SEMA4B: variants seen among roughly 807,000 people sequenced by gnomAD.
SEMA4B encodes semaphorin 4B, also known as semaphorin-4B.
SEMA4B carries 55 observed loss-of-function variants against 88.1 expected under a neutral mutation model. The ratio of observed to expected loss-of-function variants is 0.62; its 90% CI spans 0.50 to 0.78. The LOEUF (loss-of-function observed/expected upper bound fraction) is 0.78. Ranked by LOEUF, SEMA4B falls within the 30% of genes least tolerant of loss-of-function variation. The pLI, the probability that SEMA4B is intolerant of heterozygous loss-of-function variation, is 0.00. For missense variants in SEMA4B, 1,062 were observed against 1,111.9 expected (o/e 0.96, Z 0.64); for synonymous variants, 525 against 473.6 (o/e 1.11, Z -1.41).
At chr15:90,227,176 C>T (rs964330132) in intron 12 of SEMA4B, 3 of 206,904 alleles carry the variant, frequency 1.4e-5, no homozygotes, top group Non-Finnish European at 3.0e-5. Flanking sequence ...GCCTCCTGAG[C>T]AGGTGGAACC....
chr15:90,220,972 C>A lies in SEMA4B; in HGVS notation c.484-10C>A, dbSNP rs373856851. ...AGTGCCCCTGAGCCCATGTGTCCAC[C>A]CTCCTGCAGAACATGGAGAACTTCA... On this transcript the variant is annotated splice_polypyrimidine_tract_variant and intron_variant, in intron 4 of 13. Coordinates refer to ENST00000411539, the MANE Select transcript of SEMA4B (RefSeq NM_198925.4). 6 of 1,579,114 alleles carry A rather than the reference C, an allele frequency of 3.8e-6. No homozygotes were observed. The highest frequency in any genetic ancestry group is 5.2e-6 in the Non-Finnish European group (6 of 1,155,608).
Position 90,225,030 on chromosome 15 carries a change from GCTGAACTTCCTCAAGGACCACTTC to G in SEMA4B, c.1262_1285del (p.Asn421_Leu428del). On this transcript the variant is annotated inframe_deletion, in exon 10 of 14. Coordinates refer to ENST00000411539, the MANE Select transcript of SEMA4B (RefSeq NM_198925.4). ...CATCCCTGCAGCTCCCAGACCGCGT[GCTGAACTTCCTCAAGGACCACTTC>G]CTGATGGACGGGCAGGTCCGAAGCC... 6.2e-7 allele frequency: 1 copy of G among 1,613,964 alleles called. No homozygotes were observed.
chr15:90,228,439 C>T lies in SEMA4B; in HGVS notation c.2310C>T (p.Arg770=). 1 of 1,610,552 alleles carries T rather than the reference C, an allele frequency of 6.2e-7. No homozygotes were observed. Among genetic ancestry groups the T allele is most frequent in the Non-Finnish European group, 8.5e-7 (1 of 1,178,478 alleles). The change falls in exon 14 of 14, where the codon CGC becomes CGT. Residue 770 remains arginine (R), a synonymous_variant. Coordinates refer to ENST00000411539, the MANE Select transcript of SEMA4B (RefSeq NM_198925.4). ...TCPVVLPPET[R]PLNGLGPPST... Reference sequence around the variant, plus strand: ...CTGTGGTGCTGCCCCCTGAGACCCGCCCACTCAACGGCCTAGGGCCCCCTA... The same window carrying T: ...CTGTGGTGCTGCCCCCTGAGACCCGTCCACTCAACGGCCTAGGGCCCCCTA...
rs1174450284 is a variant in SEMA4B, at chr15:90,227,516, G to T, written c.1689-41G>T. The T allele has an allele frequency of 4.4e-6, 7 of 1,595,800 alleles. No individual in the cohort carries two copies. In the South Asian group the frequency reaches 7.8e-5, roughly 18 times the overall value. ...GAGGGGTGAGGGAATGTGAGCTCAG[G>T]GGACTTCCTGGCCAATCCCAGAATT... On this transcript the variant is annotated intron_variant, in intron 12 of 13. Transcript: ENST00000411539.
rs746149936 is a variant in SEMA4B at position 90,221,639 on chromosome 15, C to T, written c.735C>T (p.Tyr245=). 3.7e-5 allele frequency: 59 copies of T among 1,613,948 alleles called. No individual in the cohort carries two copies. The highest frequency in any genetic ancestry group is 4.6e-5 in the Non-Finnish European group (54 of 1,179,914). Residue 245 remains tyrosine, a synonymous_variant, in exon 7 of 14, where the codon TAC becomes TAT. Coordinates refer to ENST00000411539, the MANE Select transcript of SEMA4B (RefSeq NM_198925.4). ...ACCCAGCTTTTGTGGCCTCAGCCTA[C>T]ATTCCTGAGAGCCTGGGCAGCTTGC... ...LQDPAFVASA[Y]IPESLGSLQG... is the part of the protein sequence containing the mutation.
In SEMA4B at chr15:90,208,240, G is replaced by A. The variant is rs367833174; in HGVS notation, c.157+6505G>A. On this transcript the variant is annotated intron_variant, in intron 1 of 13. Coordinates refer to ENST00000411539, the MANE Select transcript of SEMA4B (RefSeq NM_198925.4). ...TTGCACTCCAGCCTGGAAGACAAGA[G>A]CAAAACTCCATCTCAAAAAAAAAAA... 5.9e-3 allele frequency among the ~76,000 whole-genome samples: 885 copies of A among 149,496 alleles called. 12 individuals carry two copies. The highest frequency in any genetic ancestry group is 0.02 in the African/African-American group (821 of 40,590).
chr15:90,222,220 A>G (rs1375870342), intron 7 of SEMA4B, among the ~76,000 whole-genome samples: 5 of 146,426 alleles, frequency 3.4e-5, no homozygotes, highest in African/African-American at 5.0e-5. Flanking sequence ...GATTACAGGC[A>G]TGAGCCACTG....
chr15:90,192,314 T>A (rs1027435436), intron 1 of SEMA4B, among the ~76,000 whole-genome samples: 1 of 152,086 alleles, frequency 6.6e-6, no homozygotes, highest in African/African-American at 2.4e-5. Context: ...TTCCCCTGGG[T>A]GGGAATTAGA....
intron 1 of SEMA4B, among the ~76,000 whole-genome samples, chr15:90,195,045 CT>C (rs750709856): frequency 1.5e-3 from 213 of 142,874 alleles, no homozygotes; most frequent in African/African-American, 1.5e-3. Context: ...TGCTCCATGG[CT>C]TTTTTTTTTT....
chr15:90,213,968 C>T (rs1177998226), intron 1 of SEMA4B, among the ~76,000 whole-genome samples: 1 of 152,226 alleles, frequency 6.6e-6, no homozygotes, highest in Non-Finnish European at 1.5e-5. Context: ...CTCGGTGGCT[C>T]AGCCACCTGA....
chr15:90,188,888 TA>T lies in SEMA4B; in HGVS notation c.-122+3808del, dbSNP rs748776533. ...TTTCACCATGTTAGCCAGGATGGTC[TA>T]CGATCTCCTGACCTCGTGATCCGCC... is the stretch of plus-strand genomic sequence containing the variant. On this transcript the variant is annotated intron_variant, in intron 1 of 14. Coordinates refer to the SEMA4B transcript ENST00000332496. 1.1e-3 allele frequency among the ~76,000 whole-genome samples: 164 copies of T among 151,952 alleles called. 2 individuals are homozygous for T. Among genetic ancestry groups the T allele is most frequent in the East Asian group, 5.7e-3 (29 of 5,084 alleles).
intron 1 of SEMA4B, among the ~76,000 whole-genome samples, chr15:90,213,077 T>C (rs1207982522): frequency 2.0e-5 from 3 of 152,236 alleles, no homozygotes; most frequent in Non-Finnish European, 4.4e-5. Flanking sequence ...TGCAACGTTG[T>C]TTTAGCAAAG....
intron 1 of SEMA4B, among the ~76,000 whole-genome samples, chr15:90,211,444 T>G (rs1257724501): frequency 6.6e-6 from 1 of 152,130 alleles, no homozygotes; most frequent in African/African-American, 2.4e-5. Flanking sequence ...ACCCCCAACC[T>G]CTGCCCAGAG....
At chr15:90,185,576 C>A (rs1960140157) in intron 1 of SEMA4B, among the ~76,000 whole-genome samples, 1 of 152,198 alleles carries the variant, frequency 6.6e-6, no homozygotes, top group South Asian at 2.1e-4. Flanking sequence ...GGGAGTTATT[C>A]TGGTCTAGCA....
chr15:90,188,826 C>T (rs1007326492), intron 1 of SEMA4B, among the ~76,000 whole-genome samples: 1 of 151,810 alleles, frequency 6.6e-6, no homozygotes. Flanking sequence ...CACCACCACG[C>T]CCGGCTAATT....
rs1962277823 is a variant in SEMA4B at position 90,228,120 on chromosome 15, A to G, written c.1991A>G (p.Gln664Arg). 6.2e-7 allele frequency: 1 copy of G among 1,611,624 alleles called. No homozygotes were observed. The highest frequency in any genetic ancestry group is 8.5e-7 in the Non-Finnish European group (1 of 1,178,924). Residue 664 changes from glutamine (Q) to arginine (R), a missense_variant, in exon 14 of 14, where the codon CAG (glutamine) becomes CGG (arginine). Transcript: ENST00000411539. ...FQCWSLEEGF[Q>R]QLVASYCPEV... ...TGCTGGTCACTAGAGGAGGGCTTCC[A>G]GCAGCTGGTAGCCAGCTACTGCCCA...
chr15:90,206,535 C>T (rs1034344703), intron 1 of SEMA4B: 13 of 420,248 alleles, frequency 3.1e-5, no homozygotes, highest in Middle Eastern at 3.5e-4. Flanking sequence ...GGCTCAGTTG[C>T]GTTCAAGATT....
At chr15:90,188,758 C>A (rs1057027592) in intron 1 of SEMA4B, among the ~76,000 whole-genome samples, 1 of 152,106 alleles carries the variant, frequency 6.6e-6, no homozygotes, top group African/African-American at 2.4e-5. Context: ...AGCTCCGCCC[C>A]CCGGATTCAT....
At chr15:90,220,550 G>T (rs559001195) in intron 4 of SEMA4B, among the ~76,000 whole-genome samples, 3 of 150,938 alleles carry the variant, frequency 2.0e-5, no homozygotes, top group Non-Finnish European at 3.0e-5. Flanking sequence ...TCTATTTTTC[G>T]GTAGAGAGGG....
Sources: allele counts gnomAD v4.1 joint callset (sites outside exome capture counted in the v4.1 genomes callset), GRCh38; gene constraint gnomAD v4.1.1; transcripts MANE v1.5; gene names NCBI Gene and HGNC (gene_info 2026-07-23, HGNC 2026-07-21).